Variants in ATRN observed in about 807,000 individuals in gnomAD.
The protein encoded by ATRN is attractin, also known as attractin-2.
Under a neutral mutation model 178.7 loss-of-function variants are expected in ATRN, and 54 were observed. The ratio of observed to expected loss-of-function variants is 0.30; its 90% CI spans 0.24 to 0.38. ATRN has a LOEUF of 0.38. ATRN is among the 10% of genes least tolerant of loss of function. ATRN has a pLI of 1.00. For missense variants in ATRN, 1,443 were observed against 1,815.1 expected (o/e 0.79, Z 3.73); for synonymous variants, 636 against 663.0 (o/e 0.96, Z 0.63).
intron 2 of ATRN, among the ~76,000 whole-genome samples, chr20:3,538,328 A>G (rs2085569176): frequency 6.6e-6 from 1 of 152,162 alleles, no homozygotes; most frequent in South Asian, 2.1e-4. Context: ...AGATGCCCAC[A>G]GTTTCACCCA....
At position 3,586,419 on chromosome 20, in the gene ATRN, A is replaced by T. The variant is rs3117584; in HGVS notation, c.3184+1539A>T. 3.7e-3 allele frequency among the ~76,000 whole-genome samples: 564 copies of T among 152,138 alleles called. 2 individuals carry two copies. The highest frequency in any genetic ancestry group is 0.014 in the Middle Eastern group (4 of 294). ...AGTGGTTTCCTAGGGCTGGGCATGG[A>T]AATGAAGAATAATAGGCATGAGGTT... On this transcript the variant is annotated intron_variant, in intron 18 of 28. Coordinates refer to ENST00000262919, the MANE Select transcript of ATRN (RefSeq NM_139321.3).
At chr20:3,472,287 CA>C (rs1351275847) in intron 1 of ATRN, among the ~76,000 whole-genome samples, 6 of 152,214 alleles carry the variant, frequency 3.9e-5, no homozygotes, top group Admixed American at 2.0e-4. Flanking sequence ...CCAGATAATA[CA>C]GACAGATTAG....
At position 3,559,443 on chromosome 20, in the gene ATRN, A is replaced by G; in HGVS notation, c.1163A>G (p.Asn388Ser). The change falls in exon 7 of 29, where the codon AAT (asparagine) becomes AGT (serine). Residue 388 changes from asparagine (N) to serine (S), a missense_variant. Around this residue, in one of 4 missense-constraint regions of ATRN, gnomAD observed 862 missense variants for 972.1 expected, o/e 0.89. Transcript: ENST00000262919. ...EWLPLNRSVN[N>S]VVVRYGHSLA... ...CTTCCACTAAACCGTTCTGTGAACAATGTGGTTGTTAGATATGGTCATTCT... is the reference window on the plus strand; with the variant it reads ...CTTCCACTAAACCGTTCTGTGAACAGTGTGGTTGTTAGATATGGTCATTCT... 8 of 1,613,982 alleles carry G rather than the reference A, an allele frequency of 5.0e-6. No individual in the cohort carries two copies. Among genetic ancestry groups the G allele is most frequent in the South Asian group, 1.1e-5 (1 of 91,074 alleles).
At chr20:3,512,107 A>ATATATATATTT in intron 1 of ATRN, among the ~76,000 whole-genome samples, 1 of 106,394 alleles carries the variant, frequency 9.4e-6, no homozygotes, top group African/African-American at 4.4e-5. Flanking sequence ...ATATATATAT[A>ATATATATATTT]TTTTTTTTTT....
intron 27 of ATRN, among the ~76,000 whole-genome samples, chr20:3,643,619 A>G (rs1054435121): frequency 7.2e-5 from 11 of 152,266 alleles, no homozygotes; most frequent in Non-Finnish European, 1.6e-4. Context: ...AAATGCATCC[A>G]GAGAGTAGAC....
intron 12 of ATRN, 135 bp from the exon 13 acceptor site, chr20:3,575,692 A>G: frequency 1.0e-6 from 1 of 988,174 alleles, no homozygotes; most frequent in Non-Finnish European, 1.5e-6. Flanking sequence ...ACCAGAACAT[A>G]CCAAATATAT....
intron 22 of ATRN, among the ~76,000 whole-genome samples, chr20:3,598,660 C>T (rs774745893): frequency 2.6e-5 from 4 of 152,226 alleles, no homozygotes; most frequent in Non-Finnish European, 5.9e-5. Context: ...AGGAAGGCCA[C>T]ACTGCGGGAC....
intron 1 of ATRN, among the ~76,000 whole-genome samples, chr20:3,480,327 G>A (rs1221508384): frequency 2.0e-5 from 3 of 152,166 alleles, no homozygotes; most frequent in African/African-American, 7.2e-5. Context: ...AGAAGGACAT[G>A]TGTTGCCTTC....
At chr20:3,560,949 T>G (rs1600107465) in intron 8 of ATRN, 44 bp downstream of exon 8, 1 of 1,596,768 alleles carries the variant, frequency 6.3e-7, no homozygotes. Context: ...ACATCAGATT[T>G]AAAACCTCTA....
Position 3,646,895 on chromosome 20 carries a change from C to A in ATRN, c.*48C>A, listed in dbSNP as rs200062368. The stretch of plus-strand genomic sequence containing the variant: ...ACGCACGAGCTAGTGAGTGGCACAC[C>A]AGAGCCATCTGCAGGGAAGGGCGTG... On this transcript the variant is annotated 3_prime_UTR_variant, in exon 29 of 29. Coordinates refer to ENST00000262919, the MANE Select transcript of ATRN (RefSeq NM_139321.3). 75 of 1,606,172 alleles carry A rather than the reference C, an allele frequency of 4.7e-5. No individual in the cohort carries two copies. The East Asian group carries it at 1.4e-3, about 29-fold the overall frequency.
intron 19 of ATRN, 89 bp from the exon 20 acceptor site, chr20:3,594,390 C>G (rs1209227944): frequency 6.0e-6 from 6 of 992,068 alleles, no homozygotes; most frequent in Non-Finnish European, 8.8e-6. Context: ...GAACTCAATT[C>G]AGATAAAATT....
chr20:3,471,220 C>G lies in ATRN; in HGVS notation c.113C>G (p.Ala38Gly). The change falls in exon 1 of 29, where the codon GCT becomes GGT. Residue 38 changes from alanine (A) to glycine (G), a missense_variant. By Grantham distance (60) the Ala-to-Gly change is moderately conservative. Coordinates refer to ENST00000262919, the MANE Select transcript of ATRN (RefSeq NM_139321.3). ...CACTGGGACTGGGACGTGACCAGGG[C>G]TGGGAGGCCGGGGCTGGGGGCCGGG... ...GPHWDWDVTR[A>G]GRPGLGAGLR... 1 of 1,469,398 alleles carries G rather than the reference C, an allele frequency of 6.8e-7. No individual in the cohort carries two copies. 91.0% of individuals were successfully genotyped at this position (1,469,398 alleles called of 1,614,324 possible).
At chr20:3,559,313 C>G (rs530184021) in intron 6 of ATRN, 80 bp from the exon 7 acceptor site, 82 of 1,142,126 alleles carry the variant, frequency 7.2e-5, no homozygotes, top group Non-Finnish European at 1.1e-4. Context: ...CATCTCCAAA[C>G]TGGATTATGT....
At chr20:3,617,448 T>G (rs916843434) in intron 24 of ATRN, among the ~76,000 whole-genome samples, 1 of 152,130 alleles carries the variant, frequency 6.6e-6, no homozygotes, top group Non-Finnish European at 1.5e-5. Context: ...AGCTGATAAT[T>G]TACTAAAGCA....
chr20:3,518,359 G>A (rs1457977676), intron 1 of ATRN, among the ~76,000 whole-genome samples: 1 of 152,106 alleles, frequency 6.6e-6, no homozygotes, highest in African/African-American at 2.4e-5. Flanking sequence ...GACAAGTCCC[G>A]GCCCAACTTA....
At chr20:3,538,061 C>G (rs1459072418) in intron 2 of ATRN, among the ~76,000 whole-genome samples, 1 of 150,200 alleles carries the variant, frequency 6.7e-6, no homozygotes, top group African/African-American at 2.5e-5. Context: ...CACCCACTAA[C>G]TCGTCATCTA....
chr20:3,547,134 A>G, intron 4 of ATRN, 150 bp from the exon 5 acceptor site: 2 of 670,064 alleles, frequency 3.0e-6, no homozygotes, highest in Non-Finnish European at 5.3e-6. Flanking sequence ...GTGTTGAGCA[A>G]ACCCATTTGG....
At chr20:3,562,205 C>T in intron 8 of ATRN, 71 bp from the exon 9 acceptor site, 1 of 1,321,350 alleles carries the variant, frequency 7.6e-7, no homozygotes, top group Non-Finnish European at 1.1e-6. Context: ...ATGCCCTAAG[C>T]TCTTTGGACA....
At chr20:3,534,312 AGAGG>A (rs2085493959) in intron 1 of ATRN, among the ~76,000 whole-genome samples, 1 of 151,776 alleles carries the variant, frequency 6.6e-6, no homozygotes, top group Non-Finnish European at 1.5e-5. Context: ...GATAGTAGTC[AGAGG>A]TCAGGGTGCT....
Sources: allele counts gnomAD v4.1 joint callset (sites outside exome capture counted in the v4.1 genomes callset), GRCh38; gene constraint gnomAD v4.1.1; regional missense constraint gnomAD v4.1.1; transcripts MANE v1.5; gene names NCBI Gene and HGNC (gene_info 2026-07-23, HGNC 2026-07-21).